The following GSE1 variants were observed in gnomAD, a reference collection of about 807,000 sequenced individuals.
GSE1 encodes Gse1 coiled-coil protein.
GSE1 carries 32 observed loss-of-function variants against 112.6 expected under a neutral mutation model. The ratio of observed to expected loss-of-function variants is 0.28; its 90% CI spans 0.21 to 0.38. GSE1 has a LOEUF of 0.38. GSE1 is among the 10% of genes least tolerant of loss of function. The pLI is 1.00. For missense variants in GSE1, 2,348 were observed against 1,699.2 expected (o/e 1.38, Z -6.71); for synonymous variants, 1,115 against 735.6 (o/e 1.52, Z -8.35).
At chr16:85,303,933 G>A (rs953512029) in intron 1 of GSE1, among the ~76,000 whole-genome samples, 1 of 152,254 alleles carries the variant, frequency 6.6e-6, no homozygotes, top group South Asian at 2.1e-4. Context: ...TCGGCTGCCG[G>A]CCTCCTGCCT....
At chr16:85,521,452 A>G (rs577628761) in intron 2 of GSE1, among the ~76,000 whole-genome samples, 1 of 152,276 alleles carries the variant, frequency 6.6e-6, no homozygotes, top group East Asian at 1.9e-4. Context: ...TCCTGCCTGC[A>G]GCAGAATCCT....
chr16:85,495,901 T>C (rs2051160617), intron 2 of GSE1, among the ~76,000 whole-genome samples: 1 of 152,160 alleles, frequency 6.6e-6, no homozygotes, highest in South Asian at 2.1e-4. Context: ...CCAGAGCAGC[T>C]TGTCCTGATA....
intron 2 of GSE1, among the ~76,000 whole-genome samples, chr16:85,529,305 CA>C (rs1304992155): frequency 6.6e-6 from 1 of 152,216 alleles, no homozygotes; most frequent in Non-Finnish European, 1.5e-5. Flanking sequence ...GCCCAGGAGA[CA>C]GGGGCAGAGT....
intron 1 of GSE1, among the ~76,000 whole-genome samples, chr16:85,576,840 C>G (rs2046247093): frequency 6.6e-6 from 1 of 152,150 alleles, no homozygotes; most frequent in East Asian, 1.9e-4. Context: ...CACTGCAAAG[C>G]CTGTGGATTA....
intron 1 of GSE1, among the ~76,000 whole-genome samples, chr16:85,205,902 A>G (rs1368828561): frequency 6.6e-6 from 1 of 152,210 alleles, no homozygotes; most frequent in Non-Finnish European, 1.5e-5. Context: ...GAGTGCCGTC[A>G]CGTGCCTGCA....
intron 1 of GSE1, among the ~76,000 whole-genome samples, chr16:85,238,241 G>A (rs1416781403): frequency 1.3e-5 from 2 of 152,158 alleles, no homozygotes; most frequent in Non-Finnish European, 2.9e-5. Flanking sequence ...GGGTGTGCCA[G>A]CCTGCCCTCA....
intron 2 of GSE1, among the ~76,000 whole-genome samples, chr16:85,540,618 C>A (rs961791426): frequency 6.6e-6 from 1 of 152,192 alleles, no homozygotes; most frequent in African/African-American, 2.4e-5. Flanking sequence ...GTCTTGACAG[C>A]TCTTTGGTGC....
intron 1 of GSE1, among the ~76,000 whole-genome samples, chr16:85,596,806 C>T (rs1424427944): frequency 1.3e-5 from 2 of 152,058 alleles, no homozygotes; most frequent in Non-Finnish European, 2.9e-5. Context: ...GAGGCCAAGG[C>T]GGGCAGATCG....
intron 1 of GSE1, among the ~76,000 whole-genome samples, chr16:85,351,144 G>A (rs2046843132): frequency 1.3e-5 from 2 of 152,194 alleles, no homozygotes; most frequent in South Asian, 4.1e-4. Context: ...TGGGGCACCA[G>A]CTGTGCCCTG....
intron 2 of GSE1, among the ~76,000 whole-genome samples, chr16:85,468,312 CTTTTTTTT>C (rs55873035): frequency 2.0e-4 from 23 of 116,708 alleles, no homozygotes; most frequent in African/African-American, 6.8e-4. Context: ...CCCTTCTTTC[CTTTTTTTT>C]TTTTTTTTTT....
intron 2 of GSE1, among the ~76,000 whole-genome samples, chr16:85,529,126 G>A (rs2052464192): frequency 2.6e-5 from 4 of 152,122 alleles, no homozygotes; most frequent in South Asian, 2.1e-4. Flanking sequence ...CAGGGGGGTC[G>A]GACCGGGTTA....
chr16:85,651,248 G>A (rs934251567), intron 3 of GSE1, among the ~76,000 whole-genome samples: 17 of 152,064 alleles, frequency 1.1e-4, no homozygotes, highest in Admixed American at 7.2e-4. Flanking sequence ...CGAGCCTGCC[G>A]GGCCTTGCCT....
At chr16:85,444,575 C>T (rs537089188) in intron 2 of GSE1, among the ~76,000 whole-genome samples, 23 of 152,144 alleles carry the variant, frequency 1.5e-4, no homozygotes, top group Non-Finnish European at 2.6e-4. Context: ...GCAAAGGTCA[C>T]GGCCTGCCAG....
chr16:85,674,129 T>G lies in GSE1; in HGVS notation c.*1590T>G, dbSNP rs2053550176. 1 of 152,372 alleles carries G rather than the reference T, an allele frequency of 6.6e-6. No homozygotes were observed. Among genetic ancestry groups the G allele is most frequent in the African/African-American group, 2.4e-5 (1 of 41,442 alleles). 9.4% of individuals were successfully genotyped at this position (152,372 alleles called of 1,614,324 possible). On this transcript the variant is annotated 3_prime_UTR_variant, in exon 16 of 16. Transcript: ENST00000253458. ...AGAGGCCAGGGCTGCCAGTCACTGG[T>G]CTGGGGGGTGGAGGCCTGAGCTGAG...
chr16:85,360,724 G>A (rs1344525304), intron 2 of GSE1, among the ~76,000 whole-genome samples: 3 of 151,950 alleles, frequency 2.0e-5, no homozygotes, highest in African/African-American at 7.3e-5. Context: ...ACGAAAGCAG[G>A]CACTCGGAGA....
chr16:85,232,446 G>A (rs1373009544), intron 1 of GSE1, among the ~76,000 whole-genome samples: 1 of 152,202 alleles, frequency 6.6e-6, no homozygotes, highest in East Asian at 1.9e-4. Context: ...GGGGCTGATG[G>A]TGTGGACAGG....
At chr16:85,318,833 C>T (rs902903737) in intron 1 of GSE1, among the ~76,000 whole-genome samples, 22 of 152,220 alleles carry the variant, frequency 1.4e-4, no homozygotes, top group Admixed American at 3.3e-4. Flanking sequence ...GGAGACCTCC[C>T]GGACTGTCAG....
At position 85,674,553 on chromosome 16, in the gene GSE1, A is replaced by C. The variant is rs960508386; in HGVS notation, c.*2014A>C. 6.6e-6 allele frequency: 1 copy of C among 152,230 alleles called. No individual in the cohort carries two copies. Among genetic ancestry groups the C allele is most frequent in the South Asian group, 2.1e-4 (1 of 4,832 alleles). The allele number at this position is 152,230 out of a possible 1,614,324, so 9.4% of individuals were successfully genotyped here. On this transcript the variant is annotated 3_prime_UTR_variant, in exon 16 of 16. Coordinates refer to ENST00000253458, the MANE Select transcript of GSE1 (RefSeq NM_014615.5). ...AACCTACTTGAGGTTTCTGGTCTGAAGGCTTAAGAGTCACATCTTAGCACT... is the reference window on the plus strand; with the variant it reads ...AACCTACTTGAGGTTTCTGGTCTGACGGCTTAAGAGTCACATCTTAGCACT...
chr16:85,437,990 C>G (rs2049292103), intron 2 of GSE1, among the ~76,000 whole-genome samples: 1 of 152,190 alleles, frequency 6.6e-6, no homozygotes, highest in Admixed American at 6.5e-5. Context: ...AACAGCTATT[C>G]TAACTAGTGT....
Sources: gnomAD v4.1 joint callset for allele counts (sites outside exome capture counted in the v4.1 genomes callset) on GRCh38, gnomAD v4.1.1 for gene constraint, MANE v1.5 for transcripts, NCBI Gene and HGNC (gene_info 2026-07-23, HGNC 2026-07-21) for gene names.